Variants in CDKN2B-AS1 observed in about 807,000 individuals in gnomAD.
The protein encoded by CDKN2B-AS1 is CDKN2B and CDKN2A antisense cis and trans regulatory RNA 1.
chr9:22,041,600 A>T (rs1385298142), intron 1 of CDKN2B-AS1, among the ~76,000 whole-genome samples: 2 of 152,068 alleles, frequency 1.3e-5, no homozygotes, highest in African/African-American at 4.8e-5. Context: ...TGTAAATGGA[A>T]AGAGTTAAGC....
chr9:22,049,136 A>G (rs1197994305), exon 3 of CDKN2B-AS1: 1 of 152,178 alleles, frequency 6.6e-6, no homozygotes, highest in Non-Finnish European at 1.5e-5. Flanking sequence ...GTGTGCTGGA[A>G]TCCTTTCCCG....
At chr9:22,095,398 G>A (rs1386291607) in intron 4 of CDKN2B-AS1, among the ~76,000 whole-genome samples, 3 of 144,588 alleles carry the variant, frequency 2.1e-5, no homozygotes, top group Non-Finnish European at 4.4e-5. Context: ...GTAGGTGAGC[G>A]GTTTTGAGTG....
chr9:22,115,144 T>C (rs1020274939), intron 4 of CDKN2B-AS1, among the ~76,000 whole-genome samples: 4 of 152,188 alleles, frequency 2.6e-5, no homozygotes, highest in Non-Finnish European at 4.4e-5. Flanking sequence ...TATGTACCAA[T>C]GTTTGGACTC....
Position 22,005,304 on chromosome 9 carries a change from AT to A in CDKN2B-AS1, n.29+10147del. On this transcript the variant is annotated intron_variant and non_coding_transcript_variant, in intron 1 of 4. Coordinates refer to ENST00000650946, the Ensembl canonical transcript of CDKN2B-AS1. The surrounding 1 kb of genome is among the most constrained non-coding windows in gnomAD (Gnocchi z 4.9). ...TGCTCTGCAGCGTCGTGATCCAGGG[AT>A]TTTAGCATCTGTCGTCGCTTGCACA... The A allele has an allele frequency of 4.2e-6, 1 of 237,650 alleles. No homozygotes were observed. The allele number at this position is 237,650 out of a possible 1,614,324, so 14.7% of individuals were successfully genotyped here. A position where few individuals can be genotyped will look rare whatever the true frequency, so the allele number is the denominator to read the frequency against.
At chr9:22,043,241 T>C (rs1204530960) in intron 1 of CDKN2B-AS1, among the ~76,000 whole-genome samples, 2 of 152,086 alleles carry the variant, frequency 1.3e-5, no homozygotes, top group Admixed American at 6.6e-5. Flanking sequence ...TATTAGTAAT[T>C]TGAGAGTTTT....
chr9:22,118,697 A>C (rs529104471), intron 4 of CDKN2B-AS1: 4 of 152,248 alleles, frequency 2.6e-5, no homozygotes, highest in African/African-American at 9.6e-5. Flanking sequence ...ATAAAACTTA[A>C]TCCCTTAAGT....
chr9:22,105,859 G>A (rs1825640456), intron 4 of CDKN2B-AS1, among the ~76,000 whole-genome samples: 1 of 152,138 alleles, frequency 6.6e-6, no homozygotes, highest in South Asian at 2.1e-4. Flanking sequence ...TCAACTATGG[G>A]CTTTATTACT....
At chr9:22,110,371 A>G (rs1825774275) in intron 4 of CDKN2B-AS1, among the ~76,000 whole-genome samples, 1 of 152,178 alleles carries the variant, frequency 6.6e-6, no homozygotes, top group South Asian at 2.1e-4. Context: ...TTTGAAAACC[A>G]TTAAGTTGAC....
At chr9:22,060,842 C>T (rs1329308814) in intron 4 of CDKN2B-AS1, among the ~76,000 whole-genome samples, 4 of 152,108 alleles carry the variant, frequency 2.6e-5, no homozygotes, top group Non-Finnish European at 5.9e-5. Context: ...GTGGAAACCC[C>T]TGATAAACCC....
intron 4 of CDKN2B-AS1, among the ~76,000 whole-genome samples, chr9:22,073,875 T>A (rs1327360632): frequency 6.6e-6 from 1 of 152,026 alleles, no homozygotes; most frequent in African/African-American, 2.4e-5. Flanking sequence ...TAATTTTTTT[T>A]TTTTTTGAGA....
chr9:22,120,318 C>G (rs1826065426), intron 4 of CDKN2B-AS1: 1 of 152,186 alleles, frequency 6.6e-6, no homozygotes, highest in South Asian at 2.1e-4. Flanking sequence ...GCACACTGGT[C>G]AGCTGTTTTT....
At chr9:22,043,866 T>C (rs1394626610) in intron 1 of CDKN2B-AS1, among the ~76,000 whole-genome samples, 1 of 152,026 alleles carries the variant, frequency 6.6e-6, no homozygotes, top group Non-Finnish European at 1.5e-5. Flanking sequence ...AAATCTTGCC[T>C]TTAGTAGTAC....
In CDKN2B-AS1 at chr9:22,006,345, A is replaced by C; in HGVS notation, n.29+11184A>C. 6.6e-7 allele frequency: 1 copy of C among 1,518,178 alleles called. No individual in the cohort carries two copies. The highest frequency in any genetic ancestry group is 8.9e-7 in the Non-Finnish European group (1 of 1,121,592). The allele number at this position is 1,518,178 out of a possible 1,614,324, so 94.0% of individuals were successfully genotyped here. On this transcript the variant is annotated intron_variant and non_coding_transcript_variant, in intron 1 of 4. Transcript: ENST00000650946. This position sits in a 1 kb window ranked among gnomAD's most constrained non-coding sequence, Gnocchi z 6.4. ...GTGGAGCCATTTAAAGAAACACCTA[A>C]TTGCAAAGTTTTCACCCAGTGCAGA...
At chr9:22,019,991 T>C (rs1821949489) in intron 1 of CDKN2B-AS1, among the ~76,000 whole-genome samples, 1 of 152,114 alleles carries the variant, frequency 6.6e-6, no homozygotes, top group Non-Finnish European at 1.5e-5. Flanking sequence ...TACTTGTTAG[T>C]TAGTTATTTT....
chr9:22,007,338 G>A (rs1417338250), intron 1 of CDKN2B-AS1, among the ~76,000 whole-genome samples: 3 of 149,146 alleles, frequency 2.0e-5, no homozygotes, highest in South Asian at 2.1e-4. Context: ...CAGCCTGTCC[G>A]ACAGAGTGAG....
chr9:22,023,326 A>G (rs569342822), intron 1 of CDKN2B-AS1, among the ~76,000 whole-genome samples: 2 of 151,972 alleles, frequency 1.3e-5, no homozygotes, highest in African/African-American at 2.4e-5. Context: ...ATTCATTTTT[A>G]TTCTTTTTTC....
chr9:22,054,790 T>G (rs1363799850), intron 3 of CDKN2B-AS1, among the ~76,000 whole-genome samples: 1 of 151,698 alleles, frequency 6.6e-6, no homozygotes, highest in East Asian at 1.9e-4. Context: ...TGCTGGTGTT[T>G]TTTTCTTGAG....
At chr9:22,087,443 A>C (rs1284276737) in intron 4 of CDKN2B-AS1, among the ~76,000 whole-genome samples, 2 of 152,202 alleles carry the variant, frequency 1.3e-5, no homozygotes, top group African/African-American at 4.8e-5. Flanking sequence ...AATAATCCTT[A>C]GTTTTTTAAA....
intron 4 of CDKN2B-AS1, among the ~76,000 whole-genome samples, chr9:22,063,619 G>A (rs867345543): frequency 6.6e-6 from 1 of 152,194 alleles, no homozygotes; most frequent in Non-Finnish European, 1.5e-5. Context: ...AGTTTGCCAG[G>A]TGTGTGCAAT....
Sources: allele counts gnomAD v4.1 joint callset (sites outside exome capture counted in the v4.1 genomes callset), GRCh38; gene constraint gnomAD v4.1.1; non-coding constraint Gnocchi (gnomAD v3.1); transcripts MANE v1.5; gene names NCBI Gene and HGNC (gene_info 2026-07-23, HGNC 2026-07-21).